RHOU: variants seen among roughly 807,000 people sequenced by gnomAD.
RHOU encodes the protein ras homolog family member U.
A neutral mutation model predicts 12.6 loss-of-function variants in RHOU; 8 were observed. The ratio of observed to expected loss-of-function variants is 0.64; its 90% CI spans 0.37 to 1.15. The LOEUF is 1.15. Ranked by LOEUF, RHOU falls within the 50% of genes most tolerant of loss-of-function variation. The pLI is 0.01. For synonymous variants in RHOU, 161 were observed against 147.4 expected, an observed-to-expected ratio of 1.09 and a Z score of -0.67; for missense variants, 258 against 347.0, an observed-to-expected ratio of 0.74 and a Z score of 2.04.
chr1:228,692,909 C>A, the RHOU span, among the ~76,000 whole-genome samples: 1 of 152,028 alleles, frequency 6.6e-6, no homozygotes, highest in Non-Finnish European at 1.5e-5. Context: ...CTATCAAGCT[C>A]CCCAATATAT....
chr1:228,650,213 A>G, the RHOU span: 6 of 456,758 alleles, frequency 1.3e-5, no homozygotes, highest in Non-Finnish European at 2.6e-5. Flanking sequence ...GCCCATGGGG[A>G]CCCTGGCCTT....
chr1:228,676,421 G>A, the RHOU span, among the ~76,000 whole-genome samples: 18 of 152,166 alleles, frequency 1.2e-4, no homozygotes. Flanking sequence ...GATTTTGGGA[G>A]GCTGAGATGG....
rs900268372 is a variant in RHOU at position 228,738,387 on chromosome 1, A to T, written c.321+656A>T. Among the ~76,000 whole-genome samples, 2 of 152,160 alleles carry T rather than the reference A, an allele frequency of 1.3e-5. No homozygotes were observed. Among genetic ancestry groups the T allele is most frequent in the Non-Finnish European group, 2.9e-5 (2 of 68,026 alleles). ...AGGGTTCCCTCTTTGTGTTCCCCAG[A>T]AGAAGCCCCCATTGGTGGGTACTCG... On this transcript the variant is annotated intron_variant, in intron 2 of 2. Transcript: ENST00000366691. The surrounding 1 kb of genome is among the most constrained non-coding windows in gnomAD (Gnocchi z 4.2).
the RHOU span, among the ~76,000 whole-genome samples, chr1:228,659,204 C>A: frequency 7.9e-5 from 12 of 151,930 alleles, no homozygotes; most frequent in African/African-American, 2.7e-4. Context: ...CATGGAGAAA[C>A]CCTGTCTCTA....
the RHOU span, among the ~76,000 whole-genome samples, chr1:228,662,618 G>A: frequency 6.8e-6 from 1 of 147,970 alleles, no homozygotes; most frequent in Admixed American, 6.8e-5. Flanking sequence ...ACTCATAGGT[G>A]GGAACTGAAC....
chr1:228,727,893 C>A, the RHOU span, among the ~76,000 whole-genome samples: 1 of 152,094 alleles, frequency 6.6e-6, no homozygotes, highest in African/African-American at 2.4e-5. Flanking sequence ...CTAATGAGTT[C>A]TTATCATCTC....
chr1:228,712,760 T>G, the RHOU span, among the ~76,000 whole-genome samples: 1 of 150,376 alleles, frequency 6.6e-6, no homozygotes, highest in Non-Finnish European at 1.5e-5. Context: ...TGCATACATA[T>G]GTAACTAACC....
the RHOU span, among the ~76,000 whole-genome samples, chr1:228,691,666 T>A: frequency 6.6e-6 from 1 of 152,218 alleles, no homozygotes; most frequent in African/African-American, 2.4e-5. Context: ...ATCTTAGTAA[T>A]TTCCAAGTTT....
upstream of RHOU, among the ~76,000 whole-genome samples, chr1:228,733,418 C>T (rs1202050179): frequency 6.6e-6 from 1 of 152,230 alleles, no homozygotes; most frequent in Non-Finnish European, 1.5e-5. Flanking sequence ...AGTGATCCTC[C>T]TACCTCAGCC....
the RHOU span, among the ~76,000 whole-genome samples, chr1:228,698,766 A>G: frequency 6.6e-6 from 1 of 152,224 alleles, no homozygotes; most frequent in South Asian, 2.1e-4. Flanking sequence ...AGTACCATTA[A>G]ATTTTTTCCC....
At chr1:228,687,547 G>C in the RHOU span, 4 of 1,563,652 alleles carry the variant, frequency 2.6e-6, no homozygotes, top group African/African-American at 1.3e-5. Context: ...AAACCAGACT[G>C]TGATGACTGG....
At chr1:228,722,774 C>T in the RHOU span, among the ~76,000 whole-genome samples, 1 of 152,164 alleles carries the variant, frequency 6.6e-6, no homozygotes, top group East Asian at 1.9e-4. Context: ...AGGCATGTGC[C>T]ACCAAGCCTG....
the RHOU span, among the ~76,000 whole-genome samples, chr1:228,661,338 G>A: frequency 6.6e-6 from 1 of 152,136 alleles, no homozygotes; most frequent in African/African-American, 2.4e-5. Flanking sequence ...CTACTTTAAA[G>A]TTCATGGAAC....
chr1:228,660,954 TCTC>T, the RHOU span, among the ~76,000 whole-genome samples: 183 of 134,224 alleles, frequency 1.4e-3, 1 homozygote, highest in Non-Finnish European at 2.3e-3. Context: ...AAAAAAAAAA[TCTC>T]CTTAAGCTGA....
chr1:228,743,461 A>C lies in RHOU; in HGVS notation c.498A>C (p.Arg166Ser), dbSNP rs1343724992. The C allele has an allele frequency of 1.9e-6, 3 of 1,614,182 alleles. No homozygotes were observed. The highest frequency in any genetic ancestry group is 2.5e-6 in the Non-Finnish European group (3 of 1,180,030). The change falls in exon 3 of 3, where the codon AGA (arginine) becomes AGC (serine). Residue 166 changes from arginine to serine, a missense_variant. Physicochemically the swap from Arg to Ser is moderately radical, Grantham distance 110. Transcript: ENST00000366691. This position sits in a 1 kb window ranked among gnomAD's most constrained non-coding sequence, Gnocchi z 5.1. ...IILVGTQSDL[R>S]EDVKVLIELD... ...TAGTTGGAACGCAGTCGGATCTCAG[A>C]GAAGATGTCAAAGTCCTCATTGAGT...
chr1:228,655,965 T>G, the RHOU span, among the ~76,000 whole-genome samples: 1 of 152,192 alleles, frequency 6.6e-6, no homozygotes, highest in East Asian at 1.9e-4. Context: ...AAAAATACTG[T>G]GAAGACATCT....
chr1:228,716,758 A>ATATG, the RHOU span, among the ~76,000 whole-genome samples: 1 of 88,066 alleles, frequency 1.1e-5, no homozygotes, highest in Non-Finnish European at 2.2e-5. Context: ...ATGTGTGTGT[A>ATATG]TATGTATGTA....
At chr1:228,662,381 G>A in the RHOU span, among the ~76,000 whole-genome samples, 2 of 152,076 alleles carry the variant, frequency 1.3e-5, no homozygotes, top group Non-Finnish European at 2.9e-5. Context: ...AAATGCACGC[G>A]AGTGTTTATT....
the RHOU span, among the ~76,000 whole-genome samples, chr1:228,668,957 G>C: frequency 6.6e-6 from 1 of 152,222 alleles, no homozygotes. Flanking sequence ...AGGCAAGTCA[G>C]GGACAGATGG....
Sources: gnomAD v4.1 joint callset for allele counts (sites outside exome capture counted in the v4.1 genomes callset) on GRCh38, gnomAD v4.1.1 for gene constraint, Gnocchi (gnomAD v3.1) non-coding constraint, MANE v1.5 for transcripts, NCBI Gene and HGNC (gene_info 2026-07-23, HGNC 2026-07-21) for gene names.